Variants in VPS4A observed in about 807,000 individuals in gnomAD.
VPS4A encodes vacuolar protein sorting 4 homolog A.
In VPS4A, 20 loss-of-function variants were observed where a neutral mutation model predicts 52.3. The observed-to-expected ratio is 0.38, with a 90% CI of 0.27 to 0.56. VPS4A has a LOEUF of 0.56. VPS4A is among the 20% of genes least tolerant of loss of function. VPS4A has a pLI of 0.72. For synonymous variants in VPS4A, 293 were observed against 227.7 expected (o/e 1.29, Z -2.58); for missense variants, 419 against 575.9 (o/e 0.73, Z 2.79).
chr16:69,312,941 C>T (rs895440730), intron 1 of VPS4A, among the ~76,000 whole-genome samples: 3 of 151,152 alleles, frequency 2.0e-5, no homozygotes, highest in Non-Finnish European at 2.9e-5. Context: ...GTATAACTTG[C>T]GTGCTTACCA....
intron 1 of VPS4A, among the ~76,000 whole-genome samples, chr16:69,311,997 C>T (rs1965383468): frequency 6.6e-6 from 1 of 151,916 alleles, no homozygotes; most frequent in South Asian, 2.1e-4. Context: ...CTCTTCTCGG[C>T]CAGCGACCCT....
Position 69,325,418 on chromosome 16 carries a change from A to T in VPS4A, c.*1109A>T, listed in dbSNP as rs1463547844. Reference sequence around the variant, plus strand: ...CGCGGTGGCTCACGCCTGTAATCCCAGCACTTTGGGCCGCTAACATTTAAA... The same window carrying T: ...CGCGGTGGCTCACGCCTGTAATCCCTGCACTTTGGGCCGCTAACATTTAAA... On this transcript the variant is annotated 3_prime_UTR_variant, in exon 11 of 11. Transcript: ENST00000254950. 1.2e-5 allele frequency: 1 copy of T among 81,446 alleles called. No homozygotes were observed. Among genetic ancestry groups the T allele is most frequent in the African/African-American group, 5.7e-5 (1 of 17,518 alleles). The allele number at this position is 81,446 out of a possible 1,614,324, so 5.0% of individuals were successfully genotyped here.
chr16:69,322,501 G>A (rs923955243), intron 9 of VPS4A, 59 bp from the exon 10 acceptor site: 11 of 1,532,848 alleles, frequency 7.2e-6, no homozygotes, highest in Non-Finnish European at 8.8e-6. Context: ...GAGACCGGAG[G>A]GGTCGAGCCC....
intron 1 of VPS4A, among the ~76,000 whole-genome samples, chr16:69,314,113 G>A (rs965761465): frequency 2.0e-5 from 3 of 150,410 alleles, no homozygotes; most frequent in Non-Finnish European, 4.4e-5. Flanking sequence ...CTACAGGCAC[G>A]CGTCACCACA....
chr16:69,320,980 T>TC lies in VPS4A; in HGVS notation c.852-70dup. 1 of 1,463,368 alleles carries TC rather than the reference T, an allele frequency of 6.8e-7. No individual in the cohort carries two copies. Among genetic ancestry groups the TC allele is most frequent in the South Asian group, 1.2e-5 (1 of 81,258 alleles). 90.6% of individuals were successfully genotyped at this position (1,463,368 alleles called of 1,614,324 possible). A position where few individuals can be genotyped will look rare whatever the true frequency, so the allele number is the denominator to read the frequency against. On this transcript the variant is annotated intron_variant, in intron 8 of 10. Transcript: ENST00000254950. This position sits in a 1 kb window ranked among gnomAD's most constrained non-coding sequence, Gnocchi z 4.2. ...AAATGCGTCCGTTTCACTCAAATCT[T>TC]CGTGCCTCCCCTTCCGTGAATACCA...
chr16:69,320,825 G>A lies in VPS4A; in HGVS notation c.851+56G>A, dbSNP rs534125476. The A allele has an allele frequency of 1.3e-6, 2 of 1,529,736 alleles. No homozygotes were observed. Among genetic ancestry groups the A allele is most frequent in the East Asian group, 4.8e-5 (2 of 41,766 alleles). 94.8% of individuals were successfully genotyped at this position (1,529,736 alleles called of 1,614,324 possible). On this transcript the variant is annotated intron_variant, in intron 8 of 10. Transcript: ENST00000254950. The surrounding 1 kb of genome is among the most constrained non-coding windows in gnomAD (Gnocchi z 4.2). Reference sequence around the variant, plus strand: ...GAGGCTTCCTCCCACCATGGTCACGGTCCGCCTGCTGCTGGCAGCCCGGGT... The same window carrying A: ...GAGGCTTCCTCCCACCATGGTCACGATCCGCCTGCTGCTGGCAGCCCGGGT...
chr16:69,325,771 AG>A lies in VPS4A; in HGVS notation c.*1463del, dbSNP rs1965585063. 1 of 151,354 alleles carries A rather than the reference AG, an allele frequency of 6.6e-6. No individual in the cohort carries two copies. The highest frequency in any genetic ancestry group is 1.5e-5 in the Non-Finnish European group (1 of 67,964). 9.4% of individuals were successfully genotyped at this position (151,354 alleles called of 1,614,324 possible). ...AAGTCGAGAGTTGACATAAAAATTCAGAATTCTGACTTCTAGAAGATTAAAT... is the reference window on the plus strand; with the variant it reads ...AAGTCGAGAGTTGACATAAAAATTCAAATTCTGACTTCTAGAAGATTAAAT... On this transcript the variant is annotated 3_prime_UTR_variant, in exon 11 of 11. Coordinates refer to ENST00000254950, the MANE Select transcript of VPS4A (RefSeq NM_013245.3).
At position 69,316,237 on chromosome 16, in the gene VPS4A, G is replaced by A. The variant is rs1337229075; in HGVS notation, c.146G>A (p.Ser49Asn). 2 of 1,613,642 alleles carry A rather than the reference G, an allele frequency of 1.2e-6. No homozygotes were observed. Among genetic ancestry groups the A allele is most frequent in the Non-Finnish European group, 8.5e-7 (1 of 1,179,884 alleles). Residue 49 changes from serine (S) to asparagine (N), a missense_variant, in exon 3 of 11, where the codon AGC (serine) becomes AAC (asparagine). Physicochemically the swap from Ser to Asn is conservative, Grantham distance 46 (BLOSUM62 1). Coordinates refer to ENST00000254950, the MANE Select transcript of VPS4A (RefSeq NM_013245.3). ...FLHAIKYEAH[S>N]DKAKESIRAK... ...TTCCCTTTCACAGATGAGGCCCACA[G>A]CGACAAGGCCAAGGAGAGCATTCGA...
At position 69,318,833 on chromosome 16, in the gene VPS4A, G is replaced by A. The variant is rs751604556; in HGVS notation, c.354G>A (p.Val118=). Residue 118 remains valine, a synonymous_variant, in exon 5 of 11, where the codon GTG becomes GTA. Transcript: ENST00000254950. ...KLQEQLMGAV[V]MEKPNIRWND... is the part of the protein sequence containing the mutation. ...GCCTCCCTCTCGCAGGTGCCGTCGT[G>A]ATGGAGAAGCCCAACATACGGTGGA... The A allele has an allele frequency of 1.2e-6, 2 of 1,613,348 alleles. No individual in the cohort carries two copies.
intron 3 of VPS4A, 49 bp downstream of exon 3, chr16:69,316,421 C>T: frequency 1.2e-6 from 2 of 1,600,496 alleles, no homozygotes; most frequent in South Asian, 2.3e-5. Flanking sequence ...CCTCACGGCT[C>T]CCTATCATTC....
Position 69,322,579 on chromosome 16 carries a change from C to G in VPS4A, c.1091C>G (p.Thr364Ser). ...HFKKVCGPSR[T>S]NPSMMIDDLL... Reference sequence around the variant, plus strand: ...TTTCAGGTCTGTGGCCCCTCTCGCACCAACCCCAGCATGATGATTGATGAC... The same window carrying G: ...TTTCAGGTCTGTGGCCCCTCTCGCAGCAACCCCAGCATGATGATTGATGAC... Residue 364 changes from threonine (T) to serine (S), a missense_variant, in exon 10 of 11, where the codon ACC becomes AGC. By Grantham distance (58) the Thr-to-Ser change is moderately conservative. Transcript: ENST00000254950. The G allele has an allele frequency of 6.2e-7, 1 of 1,613,586 alleles. No homozygotes were observed. Among genetic ancestry groups the G allele is most frequent in the Non-Finnish European group, 8.5e-7 (1 of 1,179,660 alleles).
At position 69,320,424 on chromosome 16, in the gene VPS4A, C is replaced by CG; in HGVS notation, c.769+138dup. On this transcript the variant is annotated intron_variant, in intron 7 of 10. Coordinates refer to ENST00000254950, the MANE Select transcript of VPS4A (RefSeq NM_013245.3). The surrounding 1 kb of genome is among the most constrained non-coding windows in gnomAD (Gnocchi z 4.2). ...TCCCCAGCTCCAGCCCCTCAGGGCA[C>CG]GGGTGGACTTCAATTCCCAAGAGGT... 1 of 1,307,932 alleles carries CG rather than the reference C, an allele frequency of 7.6e-7. No individual in the cohort carries two copies. Among genetic ancestry groups the CG allele is most frequent in the Admixed American group, 2.6e-5 (1 of 39,100 alleles). The allele number at this position is 1,307,932 out of a possible 1,614,324, so 81.0% of individuals were successfully genotyped here. A position where few individuals can be genotyped will look rare whatever the true frequency, so the allele number is the denominator to read the frequency against.
rs747348540 is a variant in VPS4A, at chr16:69,324,300, A to G, written c.1305A>G (p.Gln435=). 1 of 1,613,708 alleles carries G rather than the reference A, an allele frequency of 6.2e-7. No individual in the cohort carries two copies. The change falls in exon 11 of 11, where the codon CAA becomes CAG. Residue 435 remains glutamine (Q), a synonymous_variant. Coordinates refer to ENST00000254950, the MANE Select transcript of VPS4A (RefSeq NM_013245.3). Reference sequence around the variant, plus strand: ...AGAAATTCTCAGAGGACTTTGGGCAAGAGAGTTAAAAGCTGCTTCACTTGG... The same window carrying G: ...AGAAATTCTCAGAGGACTTTGGGCAGGAGAGTTAAAAGCTGCTTCACTTGG... ...KVKKFSEDFG[Q]ES
intron 6 of VPS4A, 55 bp downstream of exon 6, chr16:69,319,598 C>T (rs1965485108): frequency 1.3e-6 from 2 of 1,566,518 alleles, no homozygotes; most frequent in Admixed American, 1.9e-5. Flanking sequence ...GCTAGTGACC[C>T]AGCGGCCCAC....
At chr16:69,323,776 C>G in intron 10 of VPS4A, 1 of 402,492 alleles carries the variant, frequency 2.5e-6, no homozygotes, top group Non-Finnish European at 4.9e-6. Flanking sequence ...ATAGTGAAAC[C>G]CCGTCTCTGC....
chr16:69,321,581 G>A lies in VPS4A; in HGVS notation c.1071+311G>A. The A allele has an allele frequency of 1.0e-5, 4 of 389,616 alleles. No individual in the cohort carries two copies. The highest frequency in any genetic ancestry group is 1.9e-5 in the Non-Finnish European group (4 of 209,466). The allele number at this position is 389,616 out of a possible 1,614,324, so 24.1% of individuals were successfully genotyped here. Reference sequence around the variant, plus strand: ...GGGGTGGACACCAAATCAGTGTTTGGAAAGTGTTGGATATAAAATGACCAG... The same window carrying A: ...GGGGTGGACACCAAATCAGTGTTTGAAAAGTGTTGGATATAAAATGACCAG... On this transcript the variant is annotated intron_variant, in intron 9 of 10. Transcript: ENST00000254950. The surrounding 1 kb of genome is among the most constrained non-coding windows in gnomAD (Gnocchi z 4.5).
In VPS4A at chr16:69,319,375, T is replaced by A. The variant is rs773427897; in HGVS notation, c.464-12T>A. 76 of 1,613,480 alleles carry A rather than the reference T, an allele frequency of 4.7e-5. No individual in the cohort carries two copies. In the Middle Eastern group the frequency reaches 1.3e-3, roughly 28 times the overall value. ...AGTCAGGAGGCCTAACTTCTGTGGT[T>A]CTCTGTTGCAGGCAAGCGCACCCCC... On this transcript the variant is annotated splice_polypyrimidine_tract_variant and intron_variant, in intron 5 of 10. Transcript: ENST00000254950.
Position 69,321,017 on chromosome 16 carries a change from G to C in VPS4A, c.852-34G>C. 6.5e-7 allele frequency: 1 copy of C among 1,542,098 alleles called. No individual in the cohort carries two copies. The highest frequency in any genetic ancestry group is 8.8e-7 in the Non-Finnish European group (1 of 1,137,258). On this transcript the variant is annotated intron_variant, in intron 8 of 10. Coordinates refer to ENST00000254950, the MANE Select transcript of VPS4A (RefSeq NM_013245.3). This position sits in a 1 kb window ranked among gnomAD's most constrained non-coding sequence, Gnocchi z 4.5. ...TTCCGTGAATACCATTCCATCATCC[G>C]CTGTCAACTCCTGCCGTGTGCTGGG...
chr16:69,311,440 A>T lies in VPS4A; in HGVS notation c.-72A>T. 1 of 1,234,458 alleles carries T rather than the reference A, an allele frequency of 8.1e-7. No individual in the cohort carries two copies. Among genetic ancestry groups the T allele is most frequent in the Non-Finnish European group, 1.0e-6 (1 of 979,304 alleles). 76.5% of individuals were successfully genotyped at this position (1,234,458 alleles called of 1,614,324 possible). On this transcript the variant is annotated 5_prime_UTR_variant, in exon 1 of 11. Coordinates refer to ENST00000254950, the MANE Select transcript of VPS4A (RefSeq NM_013245.3). ...CCGGGCTTCCCGCGCCGGACCCAGT[A>T]CCTCGGCTCCCCGGGGCCGGACCGA...
Sources: gnomAD v4.1 joint callset for allele counts (sites outside exome capture counted in the v4.1 genomes callset) on GRCh38, gnomAD v4.1.1 for gene constraint, Gnocchi (gnomAD v3.1) non-coding constraint, MANE v1.5 for transcripts, NCBI Gene and HGNC (gene_info 2026-07-23, HGNC 2026-07-21) for gene names.